CREB3L2: variants seen among roughly 807,000 people sequenced by gnomAD.
CREB3L2 encodes the protein cyclic AMP-responsive element-binding protein 3-like protein 2.
CREB3L2 carries 23 observed loss-of-function variants against 57.2 expected under a neutral mutation model. That is an observed-to-expected ratio of 0.40 (90% confidence interval 0.29 to 0.57). The LOEUF is 0.57. CREB3L2 is among the 20% of genes least tolerant of loss of function. The pLI is 0.42. For missense variants in CREB3L2, 628 were observed against 634.7 expected, an observed-to-expected ratio of 0.99 and a Z score of 0.11; for synonymous variants, 268 against 265.1, an observed-to-expected ratio of 1.01 and a Z score of -0.11.
At position 137,980,428 on chromosome 7, in the gene CREB3L2, G is replaced by C. The variant is rs35730195; in HGVS notation, c.102+21176C>G. The stretch of plus-strand genomic sequence containing the variant: ...TTCCAGTGGGTTCGCCTGGCCTGGG[G>C]CAGCTCAGGAGAGTGGTCACCCAGG... On this transcript the variant is annotated intron_variant, in intron 1 of 11. Coordinates refer to ENST00000330387, the MANE Select transcript of CREB3L2 (RefSeq NM_194071.4). This position sits in a 1 kb window ranked among gnomAD's most constrained non-coding sequence, Gnocchi z 4.3. 0.039 allele frequency among the ~76,000 whole-genome samples: 6,011 copies of C among 152,300 alleles called. 173 individuals are homozygous for C. The highest frequency in any genetic ancestry group is 0.056 in the Non-Finnish European group (3,821 of 68,020).
At position 137,928,312 on chromosome 7, in the gene CREB3L2, T is replaced by C; in HGVS notation, c.157A>G (p.Asn53Asp). ...FSQNVLGQLL[N>D]DPFLSEKSVS... ...CTCTTCTCTGAGAGGAAAGGATCATTCAGGAGCTGACCCAAGACGTTCTGG... is the reference window on the plus strand; with the variant it reads ...CTCTTCTCTGAGAGGAAAGGATCATCCAGGAGCTGACCCAAGACGTTCTGG... Residue 53 changes from asparagine (N) to aspartate (D), a missense_variant, in exon 2 of 12, where the codon AAT becomes GAT. Physicochemically the swap from Asn to Asp is conservative, Grantham distance 23. Around this residue, in one of 3 missense-constraint regions of CREB3L2, gnomAD observed 339 missense variants for 355.4 expected, o/e 0.95. Coordinates refer to ENST00000330387, the MANE Select transcript of CREB3L2 (RefSeq NM_194071.4). The C allele has an allele frequency of 6.2e-7, 1 of 1,614,112 alleles. No individual in the cohort carries two copies. The highest frequency in any genetic ancestry group is 2.2e-5 in the East Asian group (1 of 44,872).
chr7:137,996,918 G>C (rs1377697228), intron 1 of CREB3L2, among the ~76,000 whole-genome samples: 2 of 152,144 alleles, frequency 1.3e-5, no homozygotes, highest in African/African-American at 4.8e-5. Context: ...TTTTTTAAAA[G>C]GATATAATCA....
At chr7:137,943,075 C>G (rs1163560293) in intron 1 of CREB3L2, among the ~76,000 whole-genome samples, 3 of 152,104 alleles carry the variant, frequency 2.0e-5, no homozygotes, top group Non-Finnish European at 2.9e-5. Flanking sequence ...GGTTTTAGAC[C>G]TAGCCCTGTC....
In CREB3L2 at chr7:137,879,603, A is replaced by G; in HGVS notation, c.*873T>C. 4.1e-6 allele frequency: 1 copy of G among 246,026 alleles called. No individual in the cohort carries two copies. The highest frequency in any genetic ancestry group is 6.0e-5 in the East Asian group (1 of 16,708). The allele number at this position is 246,026 out of a possible 1,614,324, so 15.2% of individuals were successfully genotyped here. A position where few individuals can be genotyped will look rare whatever the true frequency, so the allele number is the denominator to read the frequency against. ...AAAAACAAAGGAAAGGAAACAAAAC[A>G]TTGTCTGGAAAGACACGGGATCCCA... is the stretch of plus-strand genomic sequence containing the variant. On this transcript the variant is annotated 3_prime_UTR_variant, in exon 12 of 12. Coordinates refer to ENST00000330387, the MANE Select transcript of CREB3L2 (RefSeq NM_194071.4).
rs1347992073 is a variant in CREB3L2, at chr7:137,973,537, C to A, written c.102+28067G>T. ...GTGGGAGCAAGTAGCAAAAAGGTAA[C>A]AAGAGATATCCTAAAGTCAAGAAGG... On this transcript the variant is annotated intron_variant, in intron 1 of 11. Transcript: ENST00000330387. Among the ~76,000 whole-genome samples, 5 of 152,136 alleles carry A rather than the reference C, an allele frequency of 3.3e-5. No individual in the cohort carries two copies. The South Asian group carries it at 1.0e-3, about 32-fold the overall frequency.
intron 3 of CREB3L2, among the ~76,000 whole-genome samples, chr7:137,913,415 G>A (rs1250815412): frequency 2.0e-5 from 3 of 151,046 alleles, no homozygotes; most frequent in Non-Finnish European, 2.9e-5. Flanking sequence ...GCTGAGGCAG[G>A]AGAATCACTT....
At chr7:137,966,008 C>T (rs1157263009) in intron 1 of CREB3L2, among the ~76,000 whole-genome samples, 3 of 152,156 alleles carry the variant, frequency 2.0e-5, no homozygotes, top group South Asian at 4.1e-4. Context: ...ACCAAGTTCT[C>T]GTATGCTTTG....
intron 8 of CREB3L2, among the ~76,000 whole-genome samples, chr7:137,892,938 A>C (rs1343814464): frequency 6.6e-6 from 1 of 152,196 alleles, no homozygotes; most frequent in Non-Finnish European, 1.5e-5. Flanking sequence ...AATCTCAAAG[A>C]CATTTAAATA....
intron 1 of CREB3L2, among the ~76,000 whole-genome samples, chr7:137,939,886 A>G (rs766279376): frequency 1.3e-5 from 2 of 152,158 alleles, no homozygotes; most frequent in Non-Finnish European, 2.9e-5. Context: ...AAGGCCAAAA[A>G]ATGTTTGCTT....
intron 8 of CREB3L2, among the ~76,000 whole-genome samples, chr7:137,888,655 C>T (rs988205624): frequency 1.1e-4 from 16 of 152,106 alleles, no homozygotes; most frequent in African/African-American, 3.1e-4. Context: ...GACCACATGG[C>T]TCAAACCCTT....
At chr7:137,957,486 G>A (rs1350840932) in intron 1 of CREB3L2, among the ~76,000 whole-genome samples, 2 of 152,016 alleles carry the variant, frequency 1.3e-5, no homozygotes, top group African/African-American at 4.8e-5. Flanking sequence ...TGTCCACAGG[G>A]GTGCCTAATT....
intron 1 of CREB3L2, among the ~76,000 whole-genome samples, chr7:137,996,315 CTT>C (rs1481700025): frequency 1.3e-5 from 2 of 152,200 alleles, no homozygotes; most frequent in Non-Finnish European, 2.9e-5. Flanking sequence ...ACAGTGAACA[CTT>C]GATGTCTAAG....
intron 7 of CREB3L2, among the ~76,000 whole-genome samples, chr7:137,901,940 T>C (rs1799770518): frequency 6.9e-6 from 1 of 144,568 alleles, no homozygotes; most frequent in Non-Finnish European, 1.5e-5. Context: ...ATGTCTATAA[T>C]CCCAGTAATT....
intron 2 of CREB3L2, among the ~76,000 whole-genome samples, chr7:137,926,632 T>G (rs1800466268): frequency 6.6e-6 from 1 of 152,050 alleles, no homozygotes; most frequent in African/African-American, 2.4e-5. Context: ...ACATGATGGG[T>G]TGATAGGTGC....
chr7:137,971,234 A>G (rs1718037194), intron 1 of CREB3L2, among the ~76,000 whole-genome samples: 1 of 152,122 alleles, frequency 6.6e-6, no homozygotes, highest in South Asian at 2.1e-4. Flanking sequence ...GCGGATCACG[A>G]GTTCAGGAGA....
chr7:137,917,323 G>A (rs754993759), intron 2 of CREB3L2, among the ~76,000 whole-genome samples: 19 of 151,628 alleles, frequency 1.3e-4, no homozygotes, highest in Non-Finnish European at 2.1e-4. Flanking sequence ...TGGAAAAGCC[G>A]GGAGGAGGGA....
intron 8 of CREB3L2, among the ~76,000 whole-genome samples, chr7:137,896,383 C>T (rs1485252876): frequency 2.0e-5 from 3 of 152,180 alleles, no homozygotes; most frequent in African/African-American, 7.2e-5. Context: ...CTCACCGTAA[C>T]CTCCGTCTCC....
At position 138,001,515 on chromosome 7, in the gene CREB3L2, C is replaced by A. The variant is rs926376396; in HGVS notation, c.102+89G>T. 2.9e-5 allele frequency: 28 copies of A among 977,404 alleles called. No homozygotes were observed. Among genetic ancestry groups the A allele is most frequent in the Non-Finnish European group, 4.2e-5 (27 of 646,778 alleles). The allele number at this position is 977,404 out of a possible 1,614,324, so 60.5% of individuals were successfully genotyped here. A position where few individuals can be genotyped will look rare whatever the true frequency, so the allele number is the denominator to read the frequency against. On this transcript the variant is annotated intron_variant, in intron 1 of 11. Coordinates refer to ENST00000330387, the MANE Select transcript of CREB3L2 (RefSeq NM_194071.4). The surrounding 1 kb of genome is among the most constrained non-coding windows in gnomAD (Gnocchi z 4.2). ...GACCATGCCCTGCCCCAAACCCTGC[C>A]TTCCCGGGTCCCAGGACTCCAGCTG...
chr7:137,977,935 A>T (rs1229667468), intron 1 of CREB3L2, among the ~76,000 whole-genome samples: 3 of 150,916 alleles, frequency 2.0e-5, no homozygotes, highest in Non-Finnish European at 4.4e-5. Flanking sequence ...GAAAGGAAAA[A>T]AGGAAAGGAA....
Sources: gnomAD v4.1 joint callset for allele counts (sites outside exome capture counted in the v4.1 genomes callset) on GRCh38, gnomAD v4.1.1 for gene constraint, gnomAD v4.1.1 regional missense constraint, Gnocchi (gnomAD v3.1) non-coding constraint, MANE v1.5 for transcripts, NCBI Gene and HGNC (gene_info 2026-07-23, HGNC 2026-07-21) for gene names.